The following UTP25 variants were observed in gnomAD, a reference collection of about 807,000 sequenced individuals.
The protein encoded by UTP25 is UTP25 small subunit processome component, also known as U3 small nucleolar RNA-associated protein 25 homolog.
In UTP25, 50 loss-of-function variants were observed where a neutral mutation model predicts 78.9. That is an observed-to-expected ratio of 0.63 (90% CI 0.50 to 0.80). The LOEUF (loss-of-function observed/expected upper bound fraction) is 0.80. Ranked by LOEUF, UTP25 falls within the 30% of genes least tolerant of loss-of-function variation. UTP25 has a pLI of 0.00. For missense variants in UTP25, 846 were observed against 911.3 expected (o/e 0.93, Z 0.92); for synonymous variants, 329 against 336.5 (o/e 0.98, Z 0.24).
Position 209,842,384 on chromosome 1 carries a change from G to T in UTP25, c.1605G>T (p.Gly535=). 1 of 1,614,068 alleles carries T rather than the reference G, an allele frequency of 6.2e-7. No individual in the cohort carries two copies. Among genetic ancestry groups the T allele is most frequent in the Non-Finnish European group, 8.5e-7 (1 of 1,179,990 alleles). The change falls in exon 9 of 12, where the codon GGG becomes GGT. Residue 535 remains glycine (G), a synonymous_variant. Transcript: ENST00000491415. ...ACTATCGCCAGACACTGCTATTTGG[G>T]GCCCTTCAGGATGCCCAGATCAACT... ...SKYYRQTLLF[G]ALQDAQINSV... is the part of the protein sequence containing the mutation.
In UTP25 at chr1:209,857,203, C is replaced by T. The variant is rs543113220; in HGVS notation, c.*5756C>T. On this transcript the variant is annotated 3_prime_UTR_variant, in exon 12 of 12. Coordinates refer to ENST00000491415, the MANE Select transcript of UTP25 (RefSeq NM_014388.7). Reference sequence around the variant, plus strand: ...GTTAGAAACACTGTGAAACTTTTATCCATCAGTCCTGTTTCTGAAGCTGTA... The same window carrying T: ...GTTAGAAACACTGTGAAACTTTTATTCATCAGTCCTGTTTCTGAAGCTGTA... 3 of 152,128 alleles carry T rather than the reference C, an allele frequency of 2.0e-5. No individual in the cohort carries two copies. Among genetic ancestry groups the T allele is most frequent in the Admixed American group, 6.5e-5 (1 of 15,272 alleles). 9.4% of individuals were successfully genotyped at this position (152,128 alleles called of 1,614,324 possible).
At chr1:209,841,153 T>A in intron 8 of UTP25, 98 bp downstream of exon 8, 1 of 1,313,908 alleles carries the variant, frequency 7.6e-7, no homozygotes, top group Non-Finnish European at 1.1e-6. Flanking sequence ...AAGTCCAGAT[T>A]AGAACTCTTG....
At position 209,843,574 on chromosome 1, in the gene UTP25, A is replaced by G. The variant is rs759932730; in HGVS notation, c.1905A>G (p.Glu635=). 6.2e-7 allele frequency: 1 copy of G among 1,614,176 alleles called. No individual in the cohort carries two copies. The highest frequency in any genetic ancestry group is 8.5e-7 in the Non-Finnish European group (1 of 1,180,014). ...TTCGAAATTACTTCAAGAAGGAGGA[A>G]TTGAATTTTACCCACATCTGCGAGT... ...VRLRNYFKKE[E]LNFTHICEYT... The change falls in exon 11 of 12, where the codon GAA becomes GAG. Residue 635 remains glutamate (E), a synonymous_variant. Coordinates refer to ENST00000491415, the MANE Select transcript of UTP25 (RefSeq NM_014388.7).
Position 209,839,089 on chromosome 1 carries a change from G to T in UTP25, c.1243G>T (p.Ala415Ser). Residue 415 changes from alanine to serine, a missense_variant, in exon 7 of 12, where the codon GCC (alanine) becomes TCC (serine). Physicochemically the swap from Ala to Ser is moderately conservative, Grantham distance 99. Transcript: ENST00000491415. ...CTTGAAGAGGCCTGAGGATTATGAA[G>T]CCGTATTTGTGGGCAATATTGATGA... ...PNLKRPEDYE[A>S]VFVGNIDDHF... The T allele has an allele frequency of 6.2e-7, 1 of 1,611,768 alleles. No individual in the cohort carries two copies. Among genetic ancestry groups the T allele is most frequent in the Non-Finnish European group, 8.5e-7 (1 of 1,177,910 alleles).
chr1:209,843,176 G>A (rs765442151), intron 10 of UTP25: 15 of 472,756 alleles, frequency 3.2e-5, no homozygotes, highest in Non-Finnish European at 4.9e-5. Context: ...CTGACTGACT[G>A]ACTGAATAGT....
intron 3 of UTP25, among the ~76,000 whole-genome samples, chr1:209,832,092 TTTTG>T (rs568270373): frequency 1.5e-3 from 234 of 152,080 alleles, no homozygotes; most frequent in African/African-American, 5.2e-3. Flanking sequence ...TAGGAGTTTG[TTTTG>T]TTTGTTTCTA....
At position 209,857,172 on chromosome 1, in the gene UTP25, CTGAT is replaced by C. The variant is rs1239433973; in HGVS notation, c.*5728_*5731del. ...CTCATTGTGGCTTTTCTAATCATCT[CTGAT>C]TGTTAGAAACACTGTGAAACTTTTA... On this transcript the variant is annotated 3_prime_UTR_variant, in exon 12 of 12. Coordinates refer to ENST00000491415, the MANE Select transcript of UTP25 (RefSeq NM_014388.7). 1 of 152,136 alleles carries C rather than the reference CTGAT, an allele frequency of 6.6e-6. No homozygotes were observed. Among genetic ancestry groups the C allele is most frequent in the African/African-American group, 2.4e-5 (1 of 41,504 alleles). 9.4% of individuals were successfully genotyped at this position (152,136 alleles called of 1,614,324 possible). A position where few individuals can be genotyped will look rare whatever the true frequency, so the allele number is the denominator to read the frequency against.
chr1:209,828,269 T>G, intron 1 of UTP25, 99 bp downstream of exon 1: 1 of 890,172 alleles, frequency 1.1e-6, no homozygotes, highest in Non-Finnish European at 1.7e-6. Flanking sequence ...CTTTTCCCAC[T>G]ATTCCCTGGC....
chr1:209,838,681 G>A (rs567333634), intron 6 of UTP25: 16 of 580,962 alleles, frequency 2.8e-5, no homozygotes, highest in Middle Eastern at 4.6e-4. Context: ...AATGTCTCAC[G>A]TGGACTGATG....
Position 209,836,798 on chromosome 1 carries a change from T to TA in UTP25, c.652-2dup. On this transcript the variant is annotated splice_polypyrimidine_tract_variant and splice_region_variant and intron_variant, in intron 5 of 11. Transcript: ENST00000491415. ...TTTGGCTCTTGATCTGTTTCTCCCC[T>TA]AGTGGCCTATTCTGGGCCAGCTTTT... 1 of 1,591,264 alleles carries TA rather than the reference T, an allele frequency of 6.3e-7. No individual in the cohort carries two copies. The highest frequency in any genetic ancestry group is 8.5e-7 in the Non-Finnish European group (1 of 1,170,650).
chr1:209,838,875 T>A, intron 6 of UTP25, 34 bp from the exon 7 acceptor site: 1 of 1,608,124 alleles, frequency 6.2e-7, no homozygotes, highest in Non-Finnish European at 8.5e-7. Context: ...TCCTTCCTCT[T>A]ACCCCACTAA....
In UTP25 at chr1:209,843,653, A is replaced by G. The variant is rs1236643999; in HGVS notation, c.1984A>G (p.Lys662Glu). 6.2e-7 allele frequency: 1 copy of G among 1,614,096 alleles called. No individual in the cohort carries two copies. ...CAGACACTTCTTCCTTCAAGGAGAG[A>G]AACAGTTTCTACTTTTCACAGAGCG... ...RARHFFLQGE[K>E]QFLLFTERFH... The change falls in exon 11 of 12, where the codon AAA (lysine) becomes GAA (glutamate). Residue 662 changes from lysine to glutamate, a missense_variant. By Grantham distance (56) the Lys-to-Glu change is moderately conservative (BLOSUM62 1). Coordinates refer to ENST00000491415, the MANE Select transcript of UTP25 (RefSeq NM_014388.7).
chr1:209,851,595 T>A lies in UTP25; in HGVS notation c.*148T>A, dbSNP rs2102584635. On this transcript the variant is annotated 3_prime_UTR_variant, in exon 12 of 12. Transcript: ENST00000491415. ...TCAGTATTATCTGACATCTTTCTTT[T>A]CAGGTCATGTGTCCCTGAAAAGTTA... 1 of 1,066,008 alleles carries A rather than the reference T, an allele frequency of 9.4e-7. No homozygotes were observed. The highest frequency in any genetic ancestry group is 1.6e-5 in the African/African-American group (1 of 62,122). 66.0% of individuals were successfully genotyped at this position (1,066,008 alleles called of 1,614,324 possible). A position where few individuals can be genotyped will look rare whatever the true frequency, so the allele number is the denominator to read the frequency against.
In UTP25 at chr1:209,851,427, T is replaced by C. The variant is rs1224618903; in HGVS notation, c.2251T>C (p.Phe751Leu). The C allele has an allele frequency of 1.5e-5, 24 of 1,605,534 alleles. No homozygotes were observed. The highest frequency in any genetic ancestry group is 2.7e-5 in the African/African-American group (2 of 74,510). The change falls in exon 12 of 12, where the codon TTC (phenylalanine) becomes CTC (leucine). Residue 751 changes from phenylalanine (F) to leucine (L), a missense_variant. Phe to Leu is a conservative substitution (Grantham distance 22). Transcript: ENST00000491415. ...ACAGTCCAACAAGAATGTCCACCTC[T>C]TCATTACTGGAGAAAAATGAAATTT... ...MLQSNKNVHLFITGEK is the reference protein window; with the variant it reads ...MLQSNKNVHLLITGEK
chr1:209,849,577 G>A (rs74572806), intron 11 of UTP25, among the ~76,000 whole-genome samples: 54 of 152,196 alleles, frequency 3.5e-4, no homozygotes, highest in African/African-American at 1.3e-3. Context: ...TGGGTTTCAC[G>A]ATAATGGGCC....
intron 11 of UTP25, chr1:209,844,074 A>G (rs771398185): frequency 6.0e-4 from 121 of 201,180 alleles, no homozygotes; most frequent in Middle Eastern, 2.0e-3. Flanking sequence ...GTTTGCCCTC[A>G]GTGCACAGAC....
At chr1:209,847,154 G>C (rs2078201929) in intron 11 of UTP25, among the ~76,000 whole-genome samples, 1 of 151,310 alleles carries the variant, frequency 6.6e-6, no homozygotes. Flanking sequence ...CTAACATTTT[G>C]GCCTGTATAT....
chr1:209,842,373 C>T lies in UTP25; in HGVS notation c.1594C>T (p.Leu532=). The part of the protein sequence containing the change: ...NNWSKYYRQT[L]LFGALQDAQI... ...TTGGTCCAAGTACTATCGCCAGACA[C>T]TGCTATTTGGGGCCCTTCAGGATGC... is the stretch of plus-strand genomic sequence containing the variant. The change falls in exon 9 of 12, where the codon CTG becomes TTG. Residue 532 remains leucine, a synonymous_variant. Transcript: ENST00000491415. 1 of 1,614,166 alleles carries T rather than the reference C, an allele frequency of 6.2e-7. No homozygotes were observed. Among genetic ancestry groups the T allele is most frequent in the African/African-American group, 1.3e-5 (1 of 75,060 alleles).
rs146851034 is a variant in UTP25 at position 209,843,575 on chromosome 1, T to A, written c.1906T>A (p.Leu636Met). The change falls in exon 11 of 12, where the codon TTG becomes ATG. Residue 636 changes from leucine (L) to methionine (M), a missense_variant. By Grantham distance (15) the Leu-to-Met change is conservative. Transcript: ENST00000491415. ...RLRNYFKKEE[L>M]NFTHICEYTQ... is the part of the protein sequence containing the mutation. The stretch of plus-strand genomic sequence containing the variant: ...TCGAAATTACTTCAAGAAGGAGGAA[T>A]TGAATTTTACCCACATCTGCGAGTA... 8.4e-5 allele frequency: 135 copies of A among 1,614,176 alleles called. No individual in the cohort carries two copies. In the African/African-American group the frequency reaches 1.6e-3, roughly 19 times the overall value.
Sources: allele counts gnomAD v4.1 joint callset (sites outside exome capture counted in the v4.1 genomes callset), GRCh38; gene constraint gnomAD v4.1.1; transcripts MANE v1.5; gene names NCBI Gene and HGNC (gene_info 2026-07-23, HGNC 2026-07-21).